The following CTNNA2 variants were observed in gnomAD, a reference collection of about 807,000 sequenced individuals.
CTNNA2 encodes catenin alpha-2.
Under a neutral mutation model 101.0 loss-of-function variants are expected in CTNNA2, and 42 were observed. The observed-to-expected ratio is 0.42, with a 90% CI of 0.32 to 0.54. CTNNA2 has a LOEUF of 0.54. Among genes scored for constraint, CTNNA2 ranks in the 20% least tolerant of loss-of-function variants. The pLI is 0.14. For missense variants in CTNNA2, 871 were observed against 1,223.1 expected, an observed-to-expected ratio of 0.71 and a Z score of 4.29; for synonymous variants, 450 against 456.4, an observed-to-expected ratio of 0.99 and a Z score of 0.18.
chr2:79,420,965 A>G (rs1050473197), intron 4 of CTNNA2, among the ~76,000 whole-genome samples: 1 of 152,186 alleles, frequency 6.6e-6, no homozygotes, highest in South Asian at 2.1e-4. Context: ...TTTATTTTAC[A>G]TAAAGATGAA....
chr2:79,725,543 T>C (rs1343382026), intron 2 of CTNNA2, among the ~76,000 whole-genome samples: 1 of 152,224 alleles, frequency 6.6e-6, no homozygotes, highest in Non-Finnish European at 1.5e-5. Flanking sequence ...GATAAAGGGA[T>C]AACATAAAGC....
intron 7 of CTNNA2, among the ~76,000 whole-genome samples, chr2:80,002,959 T>A (rs1368911): frequency 0.012 from 1,756 of 152,294 alleles, 35 homozygotes; most frequent in African/African-American, 0.04. Flanking sequence ...TATCCCCATG[T>A]GGCATGATTT....
chr2:80,574,302 G>A lies in CTNNA2; in HGVS notation c.1881G>A (p.Val627=), dbSNP rs781133304. 1 of 1,612,292 alleles carries A rather than the reference G, an allele frequency of 6.2e-7. No homozygotes were observed. The highest frequency in any genetic ancestry group is 8.5e-7 in the Non-Finnish European group (1 of 1,178,648). The change falls in exon 13 of 19, where the codon GTG becomes GTA. Residue 627 remains valine, a synonymous_variant. Coordinates refer to ENST00000402739, the MANE Select transcript of CTNNA2 (RefSeq NM_001282597.3). ...GCGTTCGGGACATCAGAAAGGCTGT[G>A]CTGATGATCAGGGTATGTGAGGCCT... ...YDGVRDIRKA[V]LMIRTPEELE... is the part of the protein sequence containing the mutation.
chr2:79,509,473 C>A (rs1671488756), upstream of CTNNA2, among the ~76,000 whole-genome samples: 1 of 152,136 alleles, frequency 6.6e-6, no homozygotes, highest in Non-Finnish European at 1.5e-5. Context: ...TGGAATCTTA[C>A]ATGCATATTA....
At chr2:80,224,198 A>G (rs1279904042) in intron 7 of CTNNA2, among the ~76,000 whole-genome samples, 2 of 152,182 alleles carry the variant, frequency 1.3e-5, no homozygotes, top group Non-Finnish European at 2.9e-5. Context: ...CCAGCTACCA[A>G]GGAGACCCCA....
intron 1 of CTNNA2, among the ~76,000 whole-genome samples, chr2:79,528,960 G>C (rs1486491104): frequency 2.6e-5 from 4 of 152,158 alleles, no homozygotes; most frequent in Admixed American, 6.6e-5. Context: ...ACATGGAGTA[G>C]AGGTATATTG....
At chr2:80,212,447 A>C (rs981479465) in intron 7 of CTNNA2, among the ~76,000 whole-genome samples, 21 of 152,128 alleles carry the variant, frequency 1.4e-4, no homozygotes, top group Non-Finnish European at 2.6e-4. Context: ...AATTTTGTCA[A>C]AGGCCTTTTC....
At chr2:80,608,671 C>G (rs1270712908) in intron 17 of CTNNA2, among the ~76,000 whole-genome samples, 1 of 151,776 alleles carries the variant, frequency 6.6e-6, no homozygotes, top group Non-Finnish European at 1.5e-5. Context: ...TAGTAATTTT[C>G]ATTCTCTGTT....
intron 6 of CTNNA2, 36 bp downstream of exon 6, chr2:79,874,378 A>C: frequency 6.3e-7 from 1 of 1,575,436 alleles, no homozygotes; most frequent in East Asian, 2.3e-5. Flanking sequence ...AGGGGTGGGC[A>C]CTGGTGTTGA....
chr2:79,865,558 G>GTA (rs10657616), intron 4 of CTNNA2, among the ~76,000 whole-genome samples: 19,777 of 152,012 alleles, frequency 0.13, 1,761 homozygotes, highest in African/African-American at 0.23. Context: ...TCTAGTAATG[G>GTA]TATAGCCAGC....
chr2:79,220,483 TC>T (rs1674328064), intron 2 of CTNNA2, among the ~76,000 whole-genome samples: 1 of 152,006 alleles, frequency 6.6e-6, no homozygotes, highest in Non-Finnish European at 1.5e-5. Context: ...CTGGGGTGGG[TC>T]CCTGTAAGAA....
At chr2:79,211,894 G>A (rs1477313909) in intron 2 of CTNNA2, among the ~76,000 whole-genome samples, 1 of 152,290 alleles carries the variant, frequency 6.6e-6, no homozygotes, top group Non-Finnish European at 1.5e-5. Flanking sequence ...ATTAGGGGCG[G>A]CGCGGGAACC....
chr2:79,583,728 A>G (rs1296567765), intron 1 of CTNNA2, among the ~76,000 whole-genome samples: 1 of 152,186 alleles, frequency 6.6e-6, no homozygotes, highest in East Asian at 1.9e-4. Context: ...AACCATTTTA[A>G]TAGGTATGAA....
chr2:80,034,423 G>C (rs1027889489), intron 7 of CTNNA2, among the ~76,000 whole-genome samples: 1 of 142,480 alleles, frequency 7.0e-6, no homozygotes, highest in African/African-American at 2.7e-5. Context: ...GCATGATCTC[G>C]ACTCACTGCA....
chr2:79,796,740 T>G (rs1283052664), intron 3 of CTNNA2, among the ~76,000 whole-genome samples: 6 of 152,132 alleles, frequency 3.9e-5, no homozygotes, highest in African/African-American at 1.4e-4. Flanking sequence ...AGTTAGGTAA[T>G]GAGAAGTGGC....
At chr2:79,620,727 G>A (rs1300626750) in intron 1 of CTNNA2, among the ~76,000 whole-genome samples, 2 of 152,172 alleles carry the variant, frequency 1.3e-5, no homozygotes, top group Non-Finnish European at 2.9e-5. Flanking sequence ...AGTTTGATGT[G>A]ATCTGAAGGT....
At chr2:80,157,430 G>A (rs1704052806) in intron 7 of CTNNA2, among the ~76,000 whole-genome samples, 1 of 152,080 alleles carries the variant, frequency 6.6e-6, no homozygotes, top group African/African-American at 2.4e-5. Context: ...TCAACACTGG[G>A]CCTTTAACAT....
intron 7 of CTNNA2, among the ~76,000 whole-genome samples, chr2:80,329,971 C>T (rs1573737608): frequency 6.6e-6 from 1 of 152,374 alleles, no homozygotes; most frequent in African/African-American, 2.4e-5. Context: ...TTCCGAAGTA[C>T]CCACTGGCAT....
chr2:79,472,696 T>A (rs1671012748), intron 4 of CTNNA2, among the ~76,000 whole-genome samples: 1 of 152,200 alleles, frequency 6.6e-6, no homozygotes, highest in Non-Finnish European at 1.5e-5. Context: ...GCACCCTTAC[T>A]GTTCTCTTCC....
Sources: gnomAD v4.1 joint callset for allele counts (sites outside exome capture counted in the v4.1 genomes callset) on GRCh38, gnomAD v4.1.1 for gene constraint, MANE v1.5 for transcripts, NCBI Gene and HGNC (gene_info 2026-07-23, HGNC 2026-07-21) for gene names.